The following TENM4 variants were observed in gnomAD, a reference collection of about 807,000 sequenced individuals.
TENM4 encodes teneurin-4.
A neutral mutation model predicts 243.3 loss-of-function variants in TENM4; 82 were observed. The ratio of observed to expected loss-of-function variants is 0.34; its 90% CI spans 0.28 to 0.40. The LOEUF is 0.40. Among genes scored for constraint, TENM4 ranks in the 10% least tolerant of loss-of-function variants. The pLI, the probability that TENM4 is intolerant of heterozygous loss-of-function variation, is 1.00. For synonymous variants in TENM4, 1,412 were observed against 1,456.3 expected (o/e 0.97, Z 0.69); for missense variants, 3,138 against 3,673.3 (o/e 0.85, Z 3.77).
At chr11:79,002,041 C>T (rs952279860) in intron 6 of TENM4, among the ~76,000 whole-genome samples, 1 of 152,042 alleles carries the variant, frequency 6.6e-6, no homozygotes, top group South Asian at 2.1e-4. Flanking sequence ...CCCACCAGCA[C>T]ATGTGTGCAA....
rs1483834798 is a variant in TENM4, at chr11:79,282,125, C to T, written c.-265+15363G>A. Among the ~76,000 whole-genome samples the T allele has an allele frequency of 2.6e-5, 4 of 152,198 alleles. No individual in the cohort carries two copies. The East Asian group carries it at 7.7e-4, about 29-fold the overall frequency. On this transcript the variant is annotated intron_variant, in intron 2 of 33. Transcript: ENST00000278550. ...TCAAAGCCACAATGAGATACCACTT[C>T]AAACCCGCAAGGAAACAAAAAAGAC...
At chr11:79,369,066 C>T (rs117846130) in intron 1 of TENM4, among the ~76,000 whole-genome samples, 1,826 of 152,316 alleles carry the variant, frequency 0.012, 14 homozygotes, top group Non-Finnish European at 0.018. Context: ...CCTCCCCACT[C>T]TCTTTTCCCT....
chr11:79,004,401 A>G (rs892234664), intron 6 of TENM4, among the ~76,000 whole-genome samples: 7 of 152,106 alleles, frequency 4.6e-5, no homozygotes, highest in African/African-American at 1.7e-4. Context: ...GCAAATTAAG[A>G]GATACCAACC....
chr11:79,416,652 C>T lies in TENM4; in HGVS notation c.-321+23857G>A, dbSNP rs1051885010. 7.2e-5 allele frequency among the ~76,000 whole-genome samples: 11 copies of T among 152,080 alleles called. No individual in the cohort carries two copies. In the East Asian group the frequency reaches 9.6e-4, roughly 13 times the overall value. ...TCATCTCACCCTCATAACAACCTAA[C>T]GAGATGGTATTAAGATCCGGGTTTC... On this transcript the variant is annotated intron_variant, in intron 1 of 33. Transcript: ENST00000278550.
intron 6 of TENM4, among the ~76,000 whole-genome samples, chr11:78,960,408 G>A (rs183207417): frequency 9.0e-4 from 137 of 152,292 alleles, no homozygotes; most frequent in East Asian, 2.7e-3. Context: ...AGGAGGGTAG[G>A]TAATGACCGC....
chr11:79,394,743 C>T (rs765589985), intron 1 of TENM4, among the ~76,000 whole-genome samples: 70 of 152,030 alleles, frequency 4.6e-4, no homozygotes, highest in African/African-American at 1.6e-3. Context: ...TAGGGTAGGC[C>T]CTTCATCCAG....
At position 79,338,677 on chromosome 11, in the gene TENM4, T is replaced by C. The variant is rs542441438; in HGVS notation, c.-320-41134A>G. Among the ~76,000 whole-genome samples the C allele has an allele frequency of 6.6e-5, 10 of 152,368 alleles. No individual in the cohort carries two copies. The South Asian group carries it at 2.1e-3, about 32-fold the overall frequency. On this transcript the variant is annotated intron_variant, in intron 1 of 33. Transcript: ENST00000278550. ...GTATGGAATGAAAAATGTTCTGGAA[T>C]GCAGCCTAGGGAGACAAGAATTCCA...
intron 4 of TENM4, among the ~76,000 whole-genome samples, chr11:79,090,336 T>G (rs921669135): frequency 2.0e-5 from 3 of 152,252 alleles, no homozygotes; most frequent in African/African-American, 7.2e-5. Context: ...AACCTCTAAT[T>G]GGTTACAAAC....
chr11:79,294,898 A>G lies in TENM4; in HGVS notation c.-265+2590T>C, dbSNP rs574074843. ...GAGTTACATGCAGGTGTGTTCCATT[A>G]TACAAAGCATGGGTACTCCAAATGG... On this transcript the variant is annotated intron_variant, in intron 2 of 33. Transcript: ENST00000278550. Among the ~76,000 whole-genome samples, 5 of 152,250 alleles carry G rather than the reference A, an allele frequency of 3.3e-5. No individual in the cohort carries two copies. In the South Asian group the frequency reaches 6.2e-4, roughly 19 times the overall value.
chr11:79,394,884 T>G (rs988842647), intron 1 of TENM4, among the ~76,000 whole-genome samples: 1 of 152,106 alleles, frequency 6.6e-6, no homozygotes, highest in African/African-American at 2.4e-5. Context: ...ACTGGACTTA[T>G]CAGCTGCAAG....
At chr11:78,764,715 G>T (rs910051029) in intron 18 of TENM4, among the ~76,000 whole-genome samples, 1 of 152,160 alleles carries the variant, frequency 6.6e-6, no homozygotes, top group African/African-American at 2.4e-5. Context: ...CAGGACCTGT[G>T]TTAGGCACTG....
intron 1 of TENM4, among the ~76,000 whole-genome samples, chr11:79,337,040 C>T (rs1431190834): frequency 6.6e-6 from 1 of 152,218 alleles, no homozygotes; most frequent in Non-Finnish European, 1.5e-5. Flanking sequence ...AGGAGGTTAC[C>T]AAGCTAACTG....
In TENM4 at chr11:78,672,411, C is replaced by T. The variant is rs1858355308; in HGVS notation, c.5497-82G>A. On this transcript the variant is annotated intron_variant, in intron 30 of 33. Coordinates refer to ENST00000278550, the MANE Select transcript of TENM4 (RefSeq NM_001098816.3). ...CTGATGGGCCACGTTGCTCTCAGCT[C>T]TGCTGGGAAGCTCTTGAGTAGAGGA... 2.0e-6 allele frequency: 3 copies of T among 1,471,066 alleles called. No homozygotes were observed. The Admixed American group carries it at 5.6e-5, about 27-fold the overall frequency. 91.1% of individuals were successfully genotyped at this position (1,471,066 alleles called of 1,614,324 possible).
In TENM4 at chr11:78,978,445, C is replaced by T. The variant is rs533183448; in HGVS notation, c.494-74922G>A. Among the ~76,000 whole-genome samples the T allele has an allele frequency of 1.1e-4, 17 of 152,222 alleles. No individual in the cohort carries two copies. The South Asian group carries it at 3.3e-3, about 30-fold the overall frequency. On this transcript the variant is annotated intron_variant, in intron 6 of 33. Transcript: ENST00000278550. Reference sequence around the variant, plus strand: ...CCATTTAGTCCTTGCAACACTTTTACAAGGTAGGTATTATTGTTTCCATTT... The same window carrying T: ...CCATTTAGTCCTTGCAACACTTTTATAAGGTAGGTATTATTGTTTCCATTT...
intron 9 of TENM4, among the ~76,000 whole-genome samples, chr11:78,869,665 A>G (rs1289355413): frequency 2.0e-5 from 3 of 152,156 alleles, no homozygotes; most frequent in Admixed American, 2.0e-4. Flanking sequence ...AAGGCTCCTC[A>G]GCTGGCCCAA....
At chr11:79,251,823 A>G (rs1312965102) in intron 2 of TENM4, among the ~76,000 whole-genome samples, 1 of 151,348 alleles carries the variant, frequency 6.6e-6, no homozygotes, top group Non-Finnish European at 1.5e-5. Context: ...AAAAAAAAAC[A>G]TTATCACTAA....
chr11:79,204,948 C>T (rs1565249056), intron 3 of TENM4, among the ~76,000 whole-genome samples: 1 of 152,088 alleles, frequency 6.6e-6, no homozygotes, highest in Non-Finnish European at 1.5e-5. Context: ...GAAGATATAC[C>T]AAACGATAGC....
intron 3 of TENM4, among the ~76,000 whole-genome samples, chr11:79,183,722 C>T (rs1863330282): frequency 1.3e-5 from 2 of 151,948 alleles, no homozygotes; most frequent in Admixed American, 1.3e-4. Flanking sequence ...AATAAAGTTT[C>T]TTAATTTTCA....
chr11:79,275,867 T>TAA (rs1856046717), intron 2 of TENM4, among the ~76,000 whole-genome samples: 1 of 152,200 alleles, frequency 6.6e-6, no homozygotes, highest in East Asian at 1.9e-4. Flanking sequence ...TGGTCCAGCC[T>TAA]AAGACCCTAG....
Sources: gnomAD v4.1 joint callset for allele counts (sites outside exome capture counted in the v4.1 genomes callset) on GRCh38, gnomAD v4.1.1 for gene constraint, MANE v1.5 for transcripts, NCBI Gene and HGNC (gene_info 2026-07-23, HGNC 2026-07-21) for gene names.